The following MTA3 variants were observed in gnomAD, a reference collection of about 807,000 sequenced individuals.
MTA3 encodes the protein metastasis associated 1 family member 3.
In MTA3, 34 loss-of-function variants were observed where a neutral mutation model predicts 83.5. The observed-to-expected ratio is 0.41, with a 90% CI of 0.31 to 0.54. The LOEUF (loss-of-function observed/expected upper bound fraction) is 0.54. MTA3 is among the 20% of genes least tolerant of loss of function. The pLI, the probability that MTA3 is intolerant of heterozygous loss-of-function variation, is 0.33. For synonymous variants in MTA3, 303 were observed against 252.7 expected, an observed-to-expected ratio of 1.20 and a Z score of -1.89; for missense variants, 761 against 726.4, an observed-to-expected ratio of 1.05 and a Z score of -0.55.
At chr2:42,601,130 C>T (rs1682520318) in intron 3 of MTA3, among the ~76,000 whole-genome samples, 1 of 152,178 alleles carries the variant, frequency 6.6e-6, no homozygotes. Flanking sequence ...TGGTCTCCAT[C>T]TCTTGATCTC....
intron 2 of MTA3, among the ~76,000 whole-genome samples, chr2:42,533,826 C>A (rs1360205741): frequency 1.1e-5 from 1 of 88,712 alleles, no homozygotes; most frequent in African/African-American, 5.2e-5. Flanking sequence ...AGCGAGACTC[C>A]GTCTCAAAAA....
chr2:42,612,935 T>G lies in MTA3; in HGVS notation c.317+3351T>G, dbSNP rs372895922. Among the ~76,000 whole-genome samples the G allele has an allele frequency of 1.3e-4, 20 of 152,260 alleles. No homozygotes were observed. The South Asian group carries it at 4.1e-3, about 32-fold the overall frequency. ...CTTAAGACTCTTGCCAGAACAAGAATCTGACAAATGGTTTTAAAAATGTAT... is the reference window on the plus strand; with the variant it reads ...CTTAAGACTCTTGCCAGAACAAGAAGCTGACAAATGGTTTTAAAAATGTAT... On this transcript the variant is annotated intron_variant, in intron 4 of 16. Transcript: ENST00000405094.
chr2:42,537,436 G>C (rs918107754), intron 2 of MTA3, among the ~76,000 whole-genome samples: 2 of 151,900 alleles, frequency 1.3e-5, no homozygotes. Context: ...ATAGTGGTGG[G>C]TGCCTGTAAT....
At chr2:42,545,861 C>G (rs1234267245) in intron 2 of MTA3, among the ~76,000 whole-genome samples, 1 of 152,148 alleles carries the variant, frequency 6.6e-6, no homozygotes, top group Non-Finnish European at 1.5e-5. Context: ...TCCATACTTC[C>G]TACTGTGCCA....
At chr2:42,748,577 TGTCACCCATTATATTC>T (rs1455085401) in intron 16 of MTA3, among the ~76,000 whole-genome samples, 1 of 152,232 alleles carries the variant, frequency 6.6e-6, no homozygotes, top group Non-Finnish European at 1.5e-5. Context: ...TTGCCCACCT[TGTCACCCATTATATTC>T]GTCTTTTTCT....
rs11352685 is a variant in MTA3, at chr2:42,603,107, CTTTTTTTT to C, written c.191-6340_191-6333del. The stretch of plus-strand genomic sequence containing the variant: ...GTTGGTAGGCACATCAATAAATTTA[CTTTTTTTT>C]TTTTTTTTTTGCTGGGGGTAGGGTG... On this transcript the variant is annotated intron_variant, in intron 3 of 16. Transcript: ENST00000405094. 3.4e-4 allele frequency among the ~76,000 whole-genome samples: 43 copies of C among 128,274 alleles called. 1 individual carries two copies. Among genetic ancestry groups the C allele is most frequent in the African/African-American group, 1.3e-3 (42 of 33,526 alleles). The allele number at this position is 128,274 out of a possible 152,430, so 84.2% of individuals were successfully genotyped here. A position where few individuals can be genotyped will look rare whatever the true frequency, so the allele number is the denominator to read the frequency against.
Position 42,572,986 on chromosome 2 carries a change from C to T in MTA3, c.96+2482C>T, listed in dbSNP as rs1313050511. Among the ~76,000 whole-genome samples the T allele has an allele frequency of 3.3e-5, 5 of 152,136 alleles. No homozygotes were observed. In the South Asian group the frequency reaches 6.2e-4, roughly 19 times the overall value. Reference sequence around the variant, plus strand: ...CAGGTGATCCACCCGCCCCAGCCTCCCAAAGTGCTGGGATTACAGGTGTGG... The same window carrying T: ...CAGGTGATCCACCCGCCCCAGCCTCTCAAAGTGCTGGGATTACAGGTGTGG... On this transcript the variant is annotated intron_variant, in intron 2 of 16. Transcript: ENST00000405094.
At chr2:42,601,426 A>G (rs1355142235) in intron 3 of MTA3, among the ~76,000 whole-genome samples, 1 of 152,216 alleles carries the variant, frequency 6.6e-6, no homozygotes, top group Non-Finnish European at 1.5e-5. Context: ...GGCTGTTTGT[A>G]AATAAATACT....
At chr2:42,720,801 AG>A (rs1253485395) in intron 15 of MTA3, among the ~76,000 whole-genome samples, 1 of 151,926 alleles carries the variant, frequency 6.6e-6, no homozygotes, top group Non-Finnish European at 1.5e-5. Context: ...TACAAATATT[AG>A]GCAGGTGTGG....
chr2:42,742,008 A>G (rs1251077769), intron 16 of MTA3, among the ~76,000 whole-genome samples: 2 of 152,210 alleles, frequency 1.3e-5, no homozygotes, highest in Admixed American at 1.3e-4. Flanking sequence ...ATAAAACTAC[A>G]TATTCCTGCA....
intron 3 of MTA3, among the ~76,000 whole-genome samples, chr2:42,590,011 G>A (rs946488178): frequency 1.3e-5 from 2 of 152,168 alleles, no homozygotes; most frequent in East Asian, 1.9e-4. Context: ...TCAGTCTGAT[G>A]CCTTGAGCTT....
chr2:42,720,247 A>G (rs988449504), intron 15 of MTA3, among the ~76,000 whole-genome samples: 4 of 151,970 alleles, frequency 2.6e-5, no homozygotes, highest in Admixed American at 2.0e-4. Flanking sequence ...CAGTGGCGCA[A>G]TCTCGGCTCA....
At chr2:42,497,032 C>T (rs2103631723) in intron 2 of MTA3, among the ~76,000 whole-genome samples, 1 of 152,042 alleles carries the variant, frequency 6.6e-6, no homozygotes, top group East Asian at 1.9e-4. Context: ...ATGGTGAAAC[C>T]CGTTTCTACT....
chr2:42,701,978 A>T (rs1371926102), intron 11 of MTA3, among the ~76,000 whole-genome samples: 2 of 151,990 alleles, frequency 1.3e-5, no homozygotes, highest in Non-Finnish European at 2.9e-5. Context: ...TGGGAGGCTG[A>T]GGTGGGCAGA....
At chr2:42,509,018 A>C (rs1035334519) in intron 2 of MTA3, among the ~76,000 whole-genome samples, 2 of 151,830 alleles carry the variant, frequency 1.3e-5, no homozygotes, top group African/African-American at 4.8e-5. Context: ...AAATCACTTT[A>C]CTTATTCACC....
At chr2:42,565,849 C>G (rs1252423807), upstream of MTA3, among the ~76,000 whole-genome samples, 1 of 151,980 alleles carries the variant, frequency 6.6e-6, no homozygotes, top group African/African-American at 2.4e-5. Flanking sequence ...ACTAAAAATA[C>G]AAAAATTAGC....
In MTA3 at chr2:42,661,342, A is replaced by G. The variant is rs148667755; in HGVS notation, c.702+1480A>G. 2.2e-4 allele frequency among the ~76,000 whole-genome samples: 34 copies of G among 152,048 alleles called. No homozygotes were observed. The East Asian group carries it at 6.4e-3, about 29-fold the overall frequency. On this transcript the variant is annotated intron_variant, in intron 8 of 16. Coordinates refer to ENST00000405094, the MANE Select transcript of MTA3 (RefSeq NM_001330442.2). ...AGTGAAACCCCTGTCTCTACAAAAA[A>G]ATACAAAAATTAGCTGGGTGTGGTG...
At chr2:42,700,923 C>G (rs1259174067) in intron 11 of MTA3, among the ~76,000 whole-genome samples, 2 of 152,054 alleles carry the variant, frequency 1.3e-5, no homozygotes, top group African/African-American at 4.8e-5. Flanking sequence ...CAAAATGGAC[C>G]TCGCCTCTAC....
chr2:42,600,323 T>C (rs1682405374), intron 3 of MTA3, among the ~76,000 whole-genome samples: 1 of 152,092 alleles, frequency 6.6e-6, no homozygotes, highest in South Asian at 2.1e-4. Context: ...CAGAATGAAA[T>C]GTACTATAGC....
Sources: gnomAD v4.1 joint callset for allele counts (sites outside exome capture counted in the v4.1 genomes callset) on GRCh38, gnomAD v4.1.1 for gene constraint, MANE v1.5 for transcripts, NCBI Gene and HGNC (gene_info 2026-07-23, HGNC 2026-07-21) for gene names.